RASGRF1: variants seen among roughly 807,000 people sequenced by gnomAD.
RASGRF1 encodes Ras protein specific guanine nucleotide releasing factor 1, also known as ras-specific guanine nucleotide-releasing factor 1.
In RASGRF1, 40 loss-of-function variants were observed where a neutral mutation model predicts 138.7. That is an observed-to-expected ratio of 0.29 (90% CI 0.22 to 0.38). RASGRF1 has a LOEUF of 0.38. RASGRF1 is among the 10% of genes least tolerant of loss of function. The pLI is 1.00. For synonymous variants in RASGRF1, 614 were observed against 663.2 expected (o/e 0.93, Z 1.14); for missense variants, 1,108 against 1,650.4 (o/e 0.67, Z 5.69).
chr15:79,041,047 C>T lies in RASGRF1; in HGVS notation c.878+5699G>A, dbSNP rs142275305. On this transcript the variant is annotated intron_variant, in intron 5 of 26. Transcript: ENST00000558480. Reference sequence around the variant, plus strand: ...CTGGATGCACAATTCTAGTAGGCACCATTCACAGTCTAGTGTATGCCAGGG... The same window carrying T: ...CTGGATGCACAATTCTAGTAGGCACTATTCACAGTCTAGTGTATGCCAGGG... Among the ~76,000 whole-genome samples the T allele has an allele frequency of 5.0e-3, 758 of 152,328 alleles. 7 individuals carry two copies. The highest frequency in any genetic ancestry group is 0.017 in the African/African-American group (706 of 41,578).
chr15:79,059,113 CTCCTT>C (rs1434187690), intron 2 of RASGRF1, among the ~76,000 whole-genome samples: 1 of 152,048 alleles, frequency 6.6e-6, no homozygotes, highest in South Asian at 2.1e-4. Flanking sequence ...CCATCCTCCT[CTCCTT>C]TCCTTTCCTC....
chr15:78,967,702 A>T (rs1228132053), intron 26 of RASGRF1, among the ~76,000 whole-genome samples: 1 of 152,146 alleles, frequency 6.6e-6, no homozygotes, highest in East Asian at 1.9e-4. Context: ...TCCATGGTTA[A>T]TGCTTTTACT....
At position 79,021,234 on chromosome 15, in the gene RASGRF1, T is replaced by G. The variant is rs191568550; in HGVS notation, c.1543-1130A>C. On this transcript the variant is annotated intron_variant, in intron 10 of 26. Transcript: ENST00000558480. ...AAATGTTTGTTTTAAGCTACTACAT[T>G]TGGAGGTAATTTGTTACACAGCAAC... 5.3e-5 allele frequency among the ~76,000 whole-genome samples: 8 copies of G among 152,318 alleles called. No homozygotes were observed. In the East Asian group the frequency reaches 1.5e-3, roughly 29 times the overall value.
intron 26 of RASGRF1, among the ~76,000 whole-genome samples, chr15:78,964,943 C>G (rs778210264): frequency 6.6e-6 from 1 of 151,620 alleles, no homozygotes; most frequent in Non-Finnish European, 1.5e-5. Context: ...GTTGAGAACT[C>G]CTGACCTCAG....
At chr15:79,026,929 G>T (rs1347118074) in intron 9 of RASGRF1, among the ~76,000 whole-genome samples, 2 of 152,154 alleles carry the variant, frequency 1.3e-5, no homozygotes, top group African/African-American at 4.8e-5. Context: ...ACACACAGGG[G>T]CTGGGACAAA....
chr15:79,084,061 T>C (rs2057948461), intron 1 of RASGRF1, among the ~76,000 whole-genome samples: 1 of 152,186 alleles, frequency 6.6e-6, no homozygotes. Context: ...CTAGGAAAGA[T>C]AAAATCTCAT....
In RASGRF1 at chr15:79,025,447, T is replaced by A; in HGVS notation, c.1409A>T (p.Glu470Val). 6.2e-7 allele frequency: 1 copy of A among 1,613,570 alleles called. No homozygotes were observed. Among genetic ancestry groups the A allele is most frequent in the Non-Finnish European group, 8.5e-7 (1 of 1,179,664 alleles). Residue 470 changes from glutamate (E) to valine (V), a missense_variant, in exon 10 of 27, where the codon GAA becomes GTA. Physicochemically the swap from Glu to Val is moderately radical, Grantham distance 121 (BLOSUM62 -2). This residue lies in a region of RASGRF1 where 169 missense variants were observed against 344.2 expected (regional missense o/e 0.49). Coordinates refer to ENST00000558480, the MANE Select transcript of RASGRF1 (RefSeq NM_001145648.3). ...QGSLIQVPMS[E>V]KGKITRGRLG... ...GCGCCCCCTGGTGATCTTGCCCTTTTCAGACATGGGCACCTGAATGAGGGA... is the reference window on the plus strand; with the variant it reads ...GCGCCCCCTGGTGATCTTGCCCTTTACAGACATGGGCACCTGAATGAGGGA...
At chr15:79,089,856 G>A (rs1322718596) in intron 1 of RASGRF1, among the ~76,000 whole-genome samples, 2 of 152,222 alleles carry the variant, frequency 1.3e-5, no homozygotes, top group African/African-American at 4.8e-5. Flanking sequence ...GGCGGTGGGA[G>A]TGGGGGTTGG....
In RASGRF1 at chr15:79,003,982, C is replaced by T; in HGVS notation, c.2269G>A (p.Ala757Thr). The change falls in exon 15 of 27, where the codon GCC becomes ACC. Residue 757 changes from alanine to threonine, a missense_variant. By Grantham distance (58) the Ala-to-Thr change is moderately conservative. Transcript: ENST00000558480. ...IITGGKALDL[A>T]ALSCNSNGYT... ...CCATTGGAGTTGCAGCTGAGGGCGG[C>T]CAGGTCCAGGGCCTTGCCGCCAGTG... 1 of 1,614,114 alleles carries T rather than the reference C, an allele frequency of 6.2e-7. No homozygotes were observed. The highest frequency in any genetic ancestry group is 8.5e-7 in the Non-Finnish European group (1 of 1,180,018).
chr15:79,040,873 GAT>G (rs1410296954), intron 5 of RASGRF1, among the ~76,000 whole-genome samples: 2 of 152,234 alleles, frequency 1.3e-5, no homozygotes, highest in African/African-American at 4.8e-5. Context: ...TGGAATACCT[GAT>G]AACATCTTGC....
At chr15:78,987,356 A>G (rs2056180510) in intron 22 of RASGRF1, among the ~76,000 whole-genome samples, 1 of 151,978 alleles carries the variant, frequency 6.6e-6, no homozygotes, top group Non-Finnish European at 1.5e-5. Context: ...CTGGTAAAGG[A>G]GCAAACATCA....
intron 8 of RASGRF1, among the ~76,000 whole-genome samples, chr15:79,030,381 C>T (rs972866046): frequency 6.6e-6 from 1 of 152,164 alleles, no homozygotes; most frequent in Non-Finnish European, 1.5e-5. Flanking sequence ...GGTGCATACC[C>T]CCGGGCTCAG....
rs78585150 is a variant in RASGRF1, at chr15:78,992,790, C to T, written c.3028-996G>A. On this transcript the variant is annotated intron_variant, in intron 20 of 26. Transcript: ENST00000558480. Reference sequence around the variant, plus strand: ...GAGCACCTGCAAGCAGCCCATCTGCCGGGTCCCAAGGGAAGTGGGGCCATC... The same window carrying T: ...GAGCACCTGCAAGCAGCCCATCTGCTGGGTCCCAAGGGAAGTGGGGCCATC... Among the ~76,000 whole-genome samples the T allele has an allele frequency of 7.0e-3, 1,067 of 152,294 alleles. 13 individuals carry two copies. Among genetic ancestry groups the T allele is most frequent in the African/African-American group, 0.025 (1,019 of 41,546 alleles).
intron 2 of RASGRF1, among the ~76,000 whole-genome samples, chr15:79,061,792 T>C (rs2057610934): frequency 6.6e-6 from 1 of 152,240 alleles, no homozygotes; most frequent in Admixed American, 6.5e-5. Context: ...AAGGTGACTT[T>C]AGACATTTGC....
intron 2 of RASGRF1, among the ~76,000 whole-genome samples, chr15:79,059,391 TC>T (rs2057563849): frequency 8.6e-6 from 1 of 116,502 alleles, no homozygotes; most frequent in African/African-American, 3.8e-5. Flanking sequence ...TCCCTTCCCT[TC>T]CCTTCCCTTC....
chr15:79,078,213 C>T (rs1184601034), intron 1 of RASGRF1, among the ~76,000 whole-genome samples: 2 of 150,980 alleles, frequency 1.3e-5, no homozygotes, highest in African/African-American at 4.8e-5. Context: ...CTCCTTCCTT[C>T]CATCTATATG....
In RASGRF1 at chr15:78,961,912, A is replaced by G. The variant is rs1176565613; in HGVS notation, c.*232T>C. The stretch of plus-strand genomic sequence containing the variant: ...TCTAGGGAAGAGGGACCAAGAGTAC[A>G]GCTGTTTAAAAGAAACAGGCACTGC... On this transcript the variant is annotated 3_prime_UTR_variant, in exon 27 of 27. Transcript: ENST00000558480. 2.1e-6 allele frequency: 1 copy of G among 480,764 alleles called. No individual in the cohort carries two copies. 29.8% of individuals were successfully genotyped at this position (480,764 alleles called of 1,614,324 possible). A position where few individuals can be genotyped will look rare whatever the true frequency, so the allele number is the denominator to read the frequency against.
At chr15:79,069,920 G>A (rs1330401180) in intron 1 of RASGRF1, among the ~76,000 whole-genome samples, 2 of 152,154 alleles carry the variant, frequency 1.3e-5, no homozygotes, top group Non-Finnish European at 2.9e-5. Flanking sequence ...TATGGCACTT[G>A]CAGAAAACCT....
At chr15:78,967,109 C>A (rs1289228270) in intron 26 of RASGRF1, among the ~76,000 whole-genome samples, 1 of 151,848 alleles carries the variant, frequency 6.6e-6, no homozygotes, top group Non-Finnish European at 1.5e-5. Context: ...TCAACATGGG[C>A]AGACCCTGTC....
Sources: gnomAD v4.1 joint callset for allele counts (sites outside exome capture counted in the v4.1 genomes callset) on GRCh38, gnomAD v4.1.1 for gene constraint, gnomAD v4.1.1 regional missense constraint, MANE v1.5 for transcripts, NCBI Gene and HGNC (gene_info 2026-07-23, HGNC 2026-07-21) for gene names.